The following RPS3A variants were observed in gnomAD, a reference collection of about 807,000 sequenced individuals.
RPS3A encodes ribosomal protein S3A.
Under a neutral mutation model 26.4 loss-of-function variants are expected in RPS3A, and 1 was observed. The observed-to-expected ratio is 0.04, with a 90% confidence interval of 0.01 to 0.18. The LOEUF (loss-of-function observed/expected upper bound fraction) is 0.18, where lower values mean the gene tolerates loss of function less well. RPS3A is among the 10% of genes least tolerant of loss of function. The pLI, the probability that RPS3A is intolerant of heterozygous loss-of-function variation, is 1.00. For synonymous variants in RPS3A, 97 were observed against 106.1 expected (o/e 0.91, Z 0.53); for missense variants, 139 against 326.8 (o/e 0.43, Z 4.43).
chr4:151,099,628 C>G lies in RPS3A; in HGVS notation c.-25C>G. On this transcript the variant is annotated 5_prime_UTR_variant, in exon 1 of 6. Transcript: ENST00000274065. ...AGTTCTCGCGCGACTCCCACTTCCG[C>G]CCTTTTGGCTCTCTGACCAGCACCA... 6.2e-7 allele frequency: 1 copy of G among 1,612,080 alleles called. No homozygotes were observed. The highest frequency in any genetic ancestry group is 8.5e-7 in the Non-Finnish European group (1 of 1,179,296).
At chr4:151,102,791 C>G in intron 3 of RPS3A, 80 bp from the exon 4 acceptor site, 1 of 1,448,998 alleles carries the variant, frequency 6.9e-7, no homozygotes, top group Non-Finnish European at 9.3e-7. Context: ...GTTTGACAAT[C>G]CAGCTTTTTA....
chr4:151,102,182 G>T, intron 3 of RPS3A: 1 of 406,150 alleles, frequency 2.5e-6, no homozygotes, highest in Non-Finnish European at 4.9e-6. Flanking sequence ...TCCCTTAGCT[G>T]TAAATTGTAT....
chr4:151,102,760 A>G (rs577686472), intron 3 of RPS3A, 111 bp from the exon 4 acceptor site: 3 of 1,194,758 alleles, frequency 2.5e-6, no homozygotes, highest in East Asian at 2.6e-5. Flanking sequence ...ATGTTAGGAT[A>G]CTTTATATTT....
rs895667866 is a variant in RPS3A at position 151,103,484 on chromosome 4, G to C, written c.563+405G>C. ...TTGGCCAGGCTGGTCTTGAACTCCT[G>C]ACTTCAGGTGATCTGCCAGTACTCT... On this transcript the variant is annotated intron_variant, in intron 4 of 5. Coordinates refer to ENST00000274065, the MANE Select transcript of RPS3A (RefSeq NM_001006.5). 3.9e-6 allele frequency: 4 copies of C among 1,014,216 alleles called. No homozygotes were observed. In the African/African-American group the frequency reaches 7.2e-5, roughly 18 times the overall value. 62.8% of individuals were successfully genotyped at this position (1,014,216 alleles called of 1,614,324 possible). A position where few individuals can be genotyped will look rare whatever the true frequency, so the allele number is the denominator to read the frequency against.
In RPS3A at chr4:151,104,024, A is replaced by G. The variant is rs1747252474; in HGVS notation, c.564-153A>G. ...TCTATCCTTTACATGTGAAAGGTAA[A>G]TAATGGCTTATCTTAACAGGAGGAT... is the stretch of plus-strand genomic sequence containing the variant. On this transcript the variant is annotated intron_variant, in intron 4 of 5. Transcript: ENST00000274065. 6.7e-7 allele frequency: 1 copy of G among 1,490,358 alleles called. No homozygotes were observed. Among genetic ancestry groups the G allele is most frequent in the Non-Finnish European group, 8.9e-7 (1 of 1,117,402 alleles). The allele number at this position is 1,490,358 out of a possible 1,614,324, so 92.3% of individuals were successfully genotyped here.
chr4:151,104,592 A>G lies in RPS3A; in HGVS notation c.794A>G (p.Ter265=), dbSNP rs1747288893. ...GYEPPVQESV[*] ...GAACCACCAGTCCAAGAATCTGTTT[A>G]AAGTTCAGACTTCAAATAGTGGCAA... is the stretch of plus-strand genomic sequence containing the variant. Residue 265 remains the stop codon, a stop_retained_variant, in exon 6 of 6, where the codon TAA becomes TGA. Coordinates refer to ENST00000274065, the MANE Select transcript of RPS3A (RefSeq NM_001006.5). 2 of 1,566,598 alleles carry G rather than the reference A, an allele frequency of 1.3e-6. No homozygotes were observed. Among genetic ancestry groups the G allele is most frequent in the East Asian group, 4.5e-5 (2 of 44,198 alleles).
At chr4:151,102,603 C>T in intron 3 of RPS3A, 1 of 440,106 alleles carries the variant, frequency 2.3e-6, no homozygotes, top group South Asian at 2.3e-5. Flanking sequence ...GGTTTGGATG[C>T]CGTCAAGATA....
At chr4:151,103,500 C>T in intron 4 of RPS3A, 1 of 934,954 alleles carries the variant, frequency 1.1e-6, no homozygotes, top group Non-Finnish European at 1.2e-6. Flanking sequence ...AGGTGATCTG[C>T]CAGTACTCTA....
In RPS3A at chr4:151,100,996, A is replaced by G; in HGVS notation, c.188A>G (p.Lys63Arg). ...GTAGAAATTGCATCTGATGGTCTCA[A>G]GGGTCGTGTGTTTGAAGTGAGTCTT... The part of the protein sequence containing the change: ...QGTKIASDGL[K>R]GRVFEVSLAD... Residue 63 changes from lysine (K) to arginine (R), a missense_variant, in exon 3 of 6, where the codon AAG (lysine) becomes AGG (arginine). Lys to Arg is a conservative substitution (Grantham distance 26, BLOSUM62 2). Around this residue, in one of 3 missense-constraint regions of RPS3A, gnomAD observed 8 missense variants for 56.9 expected, o/e 0.14. Coordinates refer to ENST00000274065, the MANE Select transcript of RPS3A (RefSeq NM_001006.5). 2 of 1,583,906 alleles carry G rather than the reference A, an allele frequency of 1.3e-6. No individual in the cohort carries two copies. The highest frequency in any genetic ancestry group is 1.7e-6 in the Non-Finnish European group (2 of 1,168,308).
At chr4:151,103,754 GTA>G (rs60048926) in intron 4 of RPS3A, 258 of 1,214,276 alleles carry the variant, frequency 2.1e-4, no homozygotes, top group Admixed American at 4.1e-4. Flanking sequence ...AAAAATATAC[GTA>G]TATATATATA....
chr4:151,103,460 T>G, intron 4 of RPS3A: 1 of 963,184 alleles, frequency 1.0e-6, no homozygotes, highest in Non-Finnish European at 1.3e-6. Flanking sequence ...TTCATCATGT[T>G]GGCCAGGCTG....
chr4:151,104,460 T>TTTTTTCCTTTTTG lies in RPS3A; in HGVS notation c.674-10_674-9insTTTCCTTTTTGTT. On this transcript the variant is annotated splice_polypyrimidine_tract_variant and intron_variant, in intron 5 of 5. Coordinates refer to ENST00000274065, the MANE Select transcript of RPS3A (RefSeq NM_001006.5). Reference sequence around the variant, plus strand: ...TTTGGTTTTTTTTTTTTTTTTTTTTTTTGCCTTTTAGTGGGAAAGCTCATG... The same window carrying TTTTTTCCTTTTTG: ...TTTGGTTTTTTTTTTTTTTTTTTTTTTTTTTCCTTTTTGTTGCCTTTTAGTGGGAAAGCTCATG... 2 of 1,461,622 alleles carry TTTTTTCCTTTTTG rather than the reference T, an allele frequency of 1.4e-6. No homozygotes were observed. The highest frequency in any genetic ancestry group is 1.5e-5 in the African/African-American group (1 of 67,936). 90.5% of individuals were successfully genotyped at this position (1,461,622 alleles called of 1,614,324 possible). A position where few individuals can be genotyped will look rare whatever the true frequency, so the allele number is the denominator to read the frequency against.
chr4:151,102,150 C>A, intron 3 of RPS3A: 1 of 482,780 alleles, frequency 2.1e-6, no homozygotes, highest in Non-Finnish European at 4.1e-6. Flanking sequence ...TTATGGTTTA[C>A]ATTTCTAGAA....
At chr4:151,103,489 C>G (rs1747221360) in intron 4 of RPS3A, 2 of 1,000,168 alleles carry the variant, frequency 2.0e-6, no homozygotes, top group Non-Finnish European at 2.4e-6. Flanking sequence ...CTCCTGACTT[C>G]AGGTGATCTG....
In RPS3A at chr4:151,102,907, G is replaced by A. The variant is rs754585630; in HGVS notation, c.391G>A (p.Asp131Asn). The change falls in exon 4 of 6, where the codon GAT (aspartate) becomes AAT (asparagine). Residue 131 changes from aspartate (D) to asparagine (N), a missense_variant. Asp to Asn is a conservative substitution (Grantham distance 23, BLOSUM62 1). Around this residue, in one of 3 missense-constraint regions of RPS3A, gnomAD observed 96 missense variants for 209.8 expected, o/e 0.46. Coordinates refer to ENST00000274065, the MANE Select transcript of RPS3A (RefSeq NM_001006.5). ...AGCTCACGTTGATGTCAAGACTACC[G>A]ATGGTTACTTGCTTCGTCTGTTCTG... is the stretch of plus-strand genomic sequence containing the variant. ...IEAHVDVKTT[D>N]GYLLRLFCVG... 5 of 1,611,392 alleles carry A rather than the reference G, an allele frequency of 3.1e-6. No homozygotes were observed. The highest frequency in any genetic ancestry group is 3.3e-5 in the Admixed American group (2 of 59,956).
At chr4:151,101,326 C>A (rs1299800130) in intron 3 of RPS3A, among the ~76,000 whole-genome samples, 164 bp downstream of exon 3, 1 of 152,180 alleles carries the variant, frequency 6.6e-6, no homozygotes, top group Non-Finnish European at 1.5e-5. Context: ...TTGTTGAGTG[C>A]TAACTCTGGG....
At chr4:151,103,828 A>C (rs763668404) in intron 4 of RPS3A, 3 of 1,370,906 alleles carry the variant, frequency 2.2e-6, no homozygotes, top group Non-Finnish European at 1.9e-6. Context: ...ATGCACGGGA[A>C]TAAGTGATGA....
rs570925266 is a variant in RPS3A at position 151,103,554 on chromosome 4, G to C, written c.563+475G>C. ...GTGTTTATTTATTTTGAATGAAGCT[G>C]TCTCACAGTAGATGGAGTTGAAGGA... On this transcript the variant is annotated intron_variant, in intron 4 of 5. Coordinates refer to ENST00000274065, the MANE Select transcript of RPS3A (RefSeq NM_001006.5). The C allele has an allele frequency of 1.6e-5, 17 of 1,037,356 alleles. No homozygotes were observed. The Admixed American group carries it at 6.0e-4, about 37-fold the overall frequency. The allele number at this position is 1,037,356 out of a possible 1,614,324, so 64.3% of individuals were successfully genotyped here.
At chr4:151,101,332 C>T (rs960928608) in intron 3 of RPS3A, among the ~76,000 whole-genome samples, 170 bp downstream of exon 3, 1 of 152,216 alleles carries the variant, frequency 6.6e-6, no homozygotes, top group African/African-American at 2.4e-5. Flanking sequence ...AGTGCTAACT[C>T]TGGGGTTGCC....
Sources: allele counts gnomAD v4.1 joint callset (sites outside exome capture counted in the v4.1 genomes callset), GRCh38; gene constraint gnomAD v4.1.1; regional missense constraint gnomAD v4.1.1; transcripts MANE v1.5; gene names NCBI Gene and HGNC (gene_info 2026-07-23, HGNC 2026-07-21).